Variants in EDNRB observed in about 807,000 individuals in gnomAD.
EDNRB encodes the protein Hirschsprung disease 2.
Under a neutral mutation model 46.4 loss-of-function variants are expected in EDNRB, and 18 were observed. That is an observed-to-expected ratio of 0.39 (90% CI 0.27 to 0.57). EDNRB has a LOEUF of 0.57. EDNRB is among the 20% of genes least tolerant of loss of function. The pLI is 0.61. For missense variants in EDNRB, 434 were observed against 537.5 expected, an observed-to-expected ratio of 0.81 and a Z score of 1.90; for synonymous variants, 213 against 204.9, an observed-to-expected ratio of 1.04 and a Z score of -0.34.
intron 1 of EDNRB, among the ~76,000 whole-genome samples, chr13:77,965,958 C>T (rs922909870): frequency 6.6e-6 from 1 of 152,128 alleles, no homozygotes; most frequent in Non-Finnish European, 1.5e-5. Context: ...CTCACTGCAG[C>T]CTCAACCTTT....
At chr13:77,962,184 C>A (rs141800515) in intron 1 of EDNRB, among the ~76,000 whole-genome samples, 3 of 152,072 alleles carry the variant, frequency 2.0e-5, no homozygotes, top group African/African-American at 7.2e-5. Context: ...GATTCACAGC[C>A]GAATTCTACC....
upstream of EDNRB, among the ~76,000 whole-genome samples, chr13:77,920,773 C>CA (rs1880063819): frequency 6.6e-6 from 1 of 152,196 alleles, no homozygotes; most frequent in Non-Finnish European, 1.5e-5. Context: ...GGTCAACATT[C>CA]AATTGCTGAG....
upstream of EDNRB, among the ~76,000 whole-genome samples, chr13:77,921,400 T>G (rs1363058379): frequency 1.3e-5 from 2 of 152,240 alleles, no homozygotes; most frequent in Non-Finnish European, 2.9e-5. Context: ...TAGACACCTT[T>G]TCACAGTACC....
At chr13:77,909,129 G>GA (rs1566311295) in intron 1 of EDNRB, among the ~76,000 whole-genome samples, 1 of 151,882 alleles carries the variant, frequency 6.6e-6, no homozygotes, top group Admixed American at 6.6e-5. Context: ...ACACTAGATT[G>GA]AAAAAAGGTG....
intron 6 of EDNRB, among the ~76,000 whole-genome samples, chr13:77,898,713 CTGGAGAAT>C: frequency 6.6e-6 from 1 of 151,860 alleles, no homozygotes; most frequent in East Asian, 1.9e-4. Flanking sequence ...TGTGCATGTG[CTGGAGAAT>C]GTGAGTATAA....
chr13:77,922,271 G>A (rs1880108170), upstream of EDNRB, among the ~76,000 whole-genome samples: 2 of 152,140 alleles, frequency 1.3e-5, no homozygotes, highest in South Asian at 4.1e-4. Context: ...CAATGTCCCA[G>A]TATTTCCTTT....
At chr13:77,947,304 T>TC (rs901771286) in intron 1 of EDNRB, among the ~76,000 whole-genome samples, 2 of 151,906 alleles carry the variant, frequency 1.3e-5, no homozygotes, top group Non-Finnish European at 2.9e-5. Context: ...TTTTTTTTTT[T>TC]TTTCTATTTT....
intron 1 of EDNRB, among the ~76,000 whole-genome samples, chr13:77,908,112 T>C (rs1223482928): frequency 1.3e-5 from 2 of 151,094 alleles, no homozygotes; most frequent in African/African-American, 4.9e-5. Flanking sequence ...CTGGATGCTA[T>C]TGGCTCTGGA....
chr13:77,903,682 G>A (rs1879122342), intron 1 of EDNRB, 75 bp from the exon 2 acceptor site: 1 of 1,232,034 alleles, frequency 8.1e-7, no homozygotes, highest in East Asian at 2.3e-5. Context: ...TTAGTGAAGA[G>A]TAATTAACAT....
chr13:77,971,786 A>G (rs1435054750), intron 1 of EDNRB, among the ~76,000 whole-genome samples: 1 of 152,188 alleles, frequency 6.6e-6, no homozygotes, highest in East Asian at 1.9e-4. Flanking sequence ...GAGTTGAAAG[A>G]TCCATAGGGA....
At chr13:77,933,337 G>T (rs1401117359) in intron 1 of EDNRB, among the ~76,000 whole-genome samples, 1 of 151,860 alleles carries the variant, frequency 6.6e-6, no homozygotes, top group Admixed American at 6.5e-5. Context: ...AAGGGAGACA[G>T]GGGTGGGGCC....
At chr13:77,934,543 G>A (rs138379693) in intron 1 of EDNRB, among the ~76,000 whole-genome samples, 524 of 152,188 alleles carry the variant, frequency 3.4e-3, no homozygotes, top group African/African-American at 0.011. Flanking sequence ...CAGACCCTGT[G>A]GAAAGGCCTC....
intron 1 of EDNRB, among the ~76,000 whole-genome samples, chr13:77,962,542 C>T (rs1881455311): frequency 6.6e-6 from 1 of 152,128 alleles, no homozygotes; most frequent in Non-Finnish European, 1.5e-5. Flanking sequence ...ACAATAGATG[C>T]AGAAAAGGCC....
intron 2 of EDNRB, 27 bp from the exon 3 acceptor site, chr13:77,903,387 T>G: frequency 1.9e-6 from 3 of 1,612,618 alleles, no homozygotes; most frequent in Non-Finnish European, 2.5e-6. Flanking sequence ...AATTGTATTT[T>G]AAGCTGGCAT....
At chr13:77,922,894 G>A (rs1399831988), upstream of EDNRB, among the ~76,000 whole-genome samples, 1 of 152,176 alleles carries the variant, frequency 6.6e-6, no homozygotes, top group Non-Finnish European at 1.5e-5. Context: ...AGATTTGGAC[G>A]CTATTCCTGT....
upstream of EDNRB, chr13:77,919,214 C>T (rs900104274): frequency 1.0e-5 from 7 of 678,370 alleles, no homozygotes; most frequent in African/African-American, 1.8e-5. Context: ...ACTTGGAAAC[C>T]GCTGTTCCCT....
chr13:77,920,341 G>T (rs1880042475), upstream of EDNRB, among the ~76,000 whole-genome samples: 1 of 152,154 alleles, frequency 6.6e-6, no homozygotes, highest in Non-Finnish European at 1.5e-5. Context: ...TGGTAGTTTT[G>T]CCCAGAGATT....
chr13:77,966,636 C>T (rs1037753340), intron 1 of EDNRB, among the ~76,000 whole-genome samples: 4 of 152,250 alleles, frequency 2.6e-5, no homozygotes, highest in African/African-American at 7.2e-5. Flanking sequence ...AAATATCCCA[C>T]GGATGTCCTT....
chr13:77,927,302 G>T (rs1880265806), intron 1 of EDNRB, among the ~76,000 whole-genome samples: 1 of 152,068 alleles, frequency 6.6e-6, no homozygotes, highest in African/African-American at 2.4e-5. Context: ...GTAGGTTGAG[G>T]GCTGGACTAT....
Sources: gnomAD v4.1 joint callset for allele counts (sites outside exome capture counted in the v4.1 genomes callset) on GRCh38, gnomAD v4.1.1 for gene constraint, MANE v1.5 for transcripts, NCBI Gene and HGNC (gene_info 2026-07-23, HGNC 2026-07-21) for gene names.